KCTD20: variants seen among roughly 807,000 people sequenced by gnomAD.
KCTD20 encodes potassium channel tetramerization domain containing 20.
In KCTD20, 30 loss-of-function variants were observed where a neutral mutation model predicts 39.6. The observed-to-expected ratio is 0.76, with a 90% CI of 0.57 to 1.03. The LOEUF (loss-of-function observed/expected upper bound fraction) is 1.03, where lower values mean the gene tolerates loss of function less well. KCTD20 is among the 50% of genes least tolerant of loss of function. The pLI is 0.00. For missense variants in KCTD20, 422 were observed against 522.0 expected (o/e 0.81, Z 1.87); for synonymous variants, 162 against 180.6 (o/e 0.90, Z 0.83).
At position 36,487,598 on chromosome 6, in the gene KCTD20, G is replaced by A. The variant is rs553646195; in HGVS notation, c.*423G>A. ...AGCAAAGGGACCAAACTGAAAAGGTGACAATCTCTAACTTCTAAAAGCAGA... is the reference window on the plus strand; with the variant it reads ...AGCAAAGGGACCAAACTGAAAAGGTAACAATCTCTAACTTCTAAAAGCAGA... On this transcript the variant is annotated 3_prime_UTR_variant, in exon 8 of 8. Coordinates refer to ENST00000373731, the MANE Select transcript of KCTD20 (RefSeq NM_173562.5). 1.3e-5 allele frequency: 2 copies of A among 157,986 alleles called. No homozygotes were observed. The highest frequency in any genetic ancestry group is 1.4e-5 in the Non-Finnish European group (1 of 71,882). The allele number at this position is 157,986 out of a possible 1,614,324, so 9.8% of individuals were successfully genotyped here.
In KCTD20 at chr6:36,490,198, G is replaced by A. The variant is rs970208936; in HGVS notation, c.*3023G>A. On this transcript the variant is annotated 3_prime_UTR_variant, in exon 8 of 8. Coordinates refer to ENST00000373731, the MANE Select transcript of KCTD20 (RefSeq NM_173562.5). ...GCTTTAATGTAAACTGTCAAAAAGTGGGATGTGGAGGATTTTTGTTAAGTG... is the reference window on the plus strand; with the variant it reads ...GCTTTAATGTAAACTGTCAAAAAGTAGGATGTGGAGGATTTTTGTTAAGTG... 1 of 148,240 alleles carries A rather than the reference G, an allele frequency of 6.7e-6. No individual in the cohort carries two copies. Among genetic ancestry groups the A allele is most frequent in the Non-Finnish European group, 1.5e-5 (1 of 67,234 alleles). 9.2% of individuals were successfully genotyped at this position (148,240 alleles called of 1,614,324 possible). A position where few individuals can be genotyped will look rare whatever the true frequency, so the allele number is the denominator to read the frequency against.
chr6:36,455,323 G>A (rs1262880967), intron 1 of KCTD20, among the ~76,000 whole-genome samples: 4 of 152,074 alleles, frequency 2.6e-5, no homozygotes, highest in Non-Finnish European at 5.9e-5. Flanking sequence ...CAGGATAATC[G>A]CTTTAACCTG....
chr6:36,467,784 G>T (rs557933596), intron 1 of KCTD20, among the ~76,000 whole-genome samples: 1 of 152,116 alleles, frequency 6.6e-6, no homozygotes, highest in African/African-American at 2.4e-5. Context: ...TATTGATAGG[G>T]AGGAGAGTAA....
intron 1 of KCTD20, among the ~76,000 whole-genome samples, chr6:36,463,355 A>G (rs1302032785): frequency 6.6e-6 from 1 of 152,220 alleles, no homozygotes; most frequent in Non-Finnish European, 1.5e-5. Context: ...TATACTGTTA[A>G]GTAATATAAC....
At chr6:36,453,259 G>A (rs1165207866) in intron 1 of KCTD20, among the ~76,000 whole-genome samples, 6 of 151,630 alleles carry the variant, frequency 4.0e-5, no homozygotes, top group Middle Eastern at 3.4e-3. Context: ...TGATCCACCC[G>A]CCTTGGCCTC....
At chr6:36,468,248 T>C (rs2127443229) in intron 1 of KCTD20, among the ~76,000 whole-genome samples, 1 of 152,392 alleles carries the variant, frequency 6.6e-6, no homozygotes, top group Non-Finnish European at 1.5e-5. Flanking sequence ...TAGTTCACCA[T>C]ATACAAATTA....
At chr6:36,444,827 A>G (rs1442951020) in intron 1 of KCTD20, among the ~76,000 whole-genome samples, 3 of 152,166 alleles carry the variant, frequency 2.0e-5, no homozygotes, top group Admixed American at 6.5e-5. Context: ...CTGCTGCCAA[A>G]AGGTTCTCTT....
At chr6:36,484,650 T>G in intron 6 of KCTD20, 64 bp from the exon 7 acceptor site, 1 of 744,220 alleles carries the variant, frequency 1.3e-6, no homozygotes, top group Non-Finnish European at 2.3e-6. Context: ...TTTGATTTTG[T>G]TAGCTTCTCT....
Position 36,489,136 on chromosome 6 carries a change from G to A in KCTD20, c.*1961G>A, listed in dbSNP as rs1317872504. The stretch of plus-strand genomic sequence containing the variant: ...TTTCTGCTTCTCAGTAGACTTCCAT[G>A]CCATTACAAAGGAAATTTGAATTAC... On this transcript the variant is annotated 3_prime_UTR_variant, in exon 8 of 8. Coordinates refer to ENST00000373731, the MANE Select transcript of KCTD20 (RefSeq NM_173562.5). The A allele has an allele frequency of 6.6e-6, 1 of 152,564 alleles. No individual in the cohort carries two copies. The highest frequency in any genetic ancestry group is 2.4e-5 in the African/African-American group (1 of 41,436). The allele number at this position is 152,564 out of a possible 1,614,324, so 9.5% of individuals were successfully genotyped here. A position where few individuals can be genotyped will look rare whatever the true frequency, so the allele number is the denominator to read the frequency against.
At chr6:36,479,496 T>C in intron 4 of KCTD20, 95 bp from the exon 5 acceptor site, 1 of 1,116,568 alleles carries the variant, frequency 9.0e-7, no homozygotes. Context: ...TTCCAGTAGC[T>C]CATTGCTTTA....
At chr6:36,470,291 G>C in intron 2 of KCTD20, 34 bp downstream of exon 2, 2 of 1,571,652 alleles carry the variant, frequency 1.3e-6, no homozygotes, top group Non-Finnish European at 1.7e-6. Context: ...AATTTGGGGG[G>C]CTTTCCAATA....
Position 36,479,583 on chromosome 6 carries a change from A to G in KCTD20, c.538-8A>G, listed in dbSNP as rs1776177867. 2.5e-6 allele frequency: 4 copies of G among 1,602,200 alleles called. No homozygotes were observed. The highest frequency in any genetic ancestry group is 2.7e-5 in the African/African-American group (2 of 74,644). ...TGCCTACATTTTTTCTTCCTAATCT[A>G]TTTACAGGATTATTACAAAACCGGT... On this transcript the variant is annotated splice_polypyrimidine_tract_variant and splice_region_variant and intron_variant, in intron 4 of 7. Transcript: ENST00000373731.
At chr6:36,446,504 T>C (rs1775051958) in intron 1 of KCTD20, among the ~76,000 whole-genome samples, 1 of 152,172 alleles carries the variant, frequency 6.6e-6, no homozygotes, top group Non-Finnish European at 1.5e-5. Flanking sequence ...TTAAGACTGA[T>C]GGCTAGGTGT....
intron 7 of KCTD20, among the ~76,000 whole-genome samples, chr6:36,486,067 A>G (rs1282603296): frequency 1.3e-5 from 2 of 151,676 alleles, no homozygotes; most frequent in Non-Finnish European, 2.9e-5. Context: ...ACTATGCTCC[A>G]CTATTTTTTT....
In KCTD20 at chr6:36,470,122, A is replaced by G; in HGVS notation, c.25A>G (p.Ser9Gly). 1 of 1,613,944 alleles carries G rather than the reference A, an allele frequency of 6.2e-7. No individual in the cohort carries two copies. Among genetic ancestry groups the G allele is most frequent in the Non-Finnish European group, 8.5e-7 (1 of 1,179,856 alleles). The change falls in exon 2 of 8, where the codon AGT becomes GGT. Residue 9 changes from serine to glycine, a missense_variant. By Grantham distance (56) the Ser-to-Gly change is moderately conservative. Coordinates refer to ENST00000373731, the MANE Select transcript of KCTD20 (RefSeq NM_173562.5). MNVHRGSD[S>G]DRLLRQEASC... is the part of the protein sequence containing the mutation. ...GATGAATGTTCACCGTGGCAGTGAC[A>G]GTGACAGGTTATTGCGGCAGGAGGC...
chr6:36,444,808 T>C (rs1774989359), intron 1 of KCTD20, among the ~76,000 whole-genome samples: 1 of 152,230 alleles, frequency 6.6e-6, no homozygotes, highest in African/African-American at 2.4e-5. Flanking sequence ...GAGGGCTGGA[T>C]AAACTCCACT....
At chr6:36,472,510 G>A (rs779163003) in intron 2 of KCTD20, among the ~76,000 whole-genome samples, 15 of 151,858 alleles carry the variant, frequency 9.9e-5, no homozygotes, top group Non-Finnish European at 1.9e-4. Context: ...TAAACAAGAG[G>A]AATGGGAGTA....
In KCTD20 at chr6:36,448,015, G is replaced by GTGTATGTATATA. The variant is rs559687288; in HGVS notation, c.-47+4905_-47+4906insGTATGTATATAT. ...CCAAAATATATGTGTATGTGTGTGT[G>GTGTATGTATATA]TATATATATATATATATATATATAT... On this transcript the variant is annotated intron_variant, in intron 1 of 7. Transcript: ENST00000373731. 8.8e-4 allele frequency among the ~76,000 whole-genome samples: 114 copies of GTGTATGTATATA among 128,896 alleles called. 2 individuals carry two copies. The East Asian group carries it at 0.013, about 14-fold the overall frequency. The allele number at this position is 128,896 out of a possible 152,430, so 84.6% of individuals were successfully genotyped here.
rs1776568220 is a variant in KCTD20, at chr6:36,490,915, C to T, written c.*3740C>T. On this transcript the variant is annotated 3_prime_UTR_variant, in exon 8 of 8. Transcript: ENST00000373731. ...CTTTGCAATTATTGAAATGGGAATA[C>T]TGAGCTCAGAAAGCAAATATGATGC... The T allele has an allele frequency of 6.6e-6, 1 of 152,164 alleles. No individual in the cohort carries two copies. The highest frequency in any genetic ancestry group is 2.1e-4 in the South Asian group (1 of 4,830). 9.4% of individuals were successfully genotyped at this position (152,164 alleles called of 1,614,324 possible). A position where few individuals can be genotyped will look rare whatever the true frequency, so the allele number is the denominator to read the frequency against.
Sources: allele counts gnomAD v4.1 joint callset (sites outside exome capture counted in the v4.1 genomes callset), GRCh38; gene constraint gnomAD v4.1.1; transcripts MANE v1.5; gene names NCBI Gene and HGNC (gene_info 2026-07-23, HGNC 2026-07-21).